Variants in LHFPL3 observed in about 807,000 individuals in gnomAD.
LHFPL3 encodes the protein LHFPL tetraspan subfamily member 3 protein.
LHFPL3 carries 5 observed loss-of-function variants against 19.3 expected under a neutral mutation model. That is an observed-to-expected ratio of 0.26 (90% CI 0.14 to 0.54). The LOEUF is 0.54. Among genes scored for constraint, LHFPL3 ranks in the 20% least tolerant of loss-of-function variants. LHFPL3 has a pLI of 0.94. For missense variants in LHFPL3, 249 were observed against 307.4 expected (o/e 0.81, Z 1.42); for synonymous variants, 133 against 126.2 (o/e 1.05, Z -0.36).
chr7:104,881,725 G>T (rs1158072042), intron 2 of LHFPL3, among the ~76,000 whole-genome samples: 7 of 152,194 alleles, frequency 4.6e-5, no homozygotes, highest in Non-Finnish European at 1.0e-4. Context: ...CATTTTGAAA[G>T]AAGTCATATT....
intron 2 of LHFPL3, among the ~76,000 whole-genome samples, chr7:104,821,083 G>C (rs970890140): frequency 6.6e-6 from 1 of 152,032 alleles, no homozygotes; most frequent in Non-Finnish European, 1.5e-5. Flanking sequence ...AAAGCATCAC[G>C]GCAATTAGAT....
intron 1 of LHFPL3, among the ~76,000 whole-genome samples, chr7:104,439,531 A>G (rs191986115): frequency 3.3e-5 from 5 of 152,256 alleles, no homozygotes; most frequent in African/African-American, 9.6e-5. Context: ...ATATAAATGG[A>G]CTAAAATACC....
At chr7:104,761,150 T>C (rs930810630) in intron 2 of LHFPL3, among the ~76,000 whole-genome samples, 1 of 152,110 alleles carries the variant, frequency 6.6e-6, no homozygotes, top group African/African-American at 2.4e-5. Context: ...CATGGCCATA[T>C]AATGACAAGA....
chr7:104,591,815 T>C (rs894668499), intron 1 of LHFPL3, among the ~76,000 whole-genome samples: 9 of 152,334 alleles, frequency 5.9e-5, no homozygotes, highest in African/African-American at 2.2e-4. Context: ...TGCTCATTTC[T>C]TTTTACTCTT....
At position 104,867,982 on chromosome 7, in the gene LHFPL3, T is replaced by C. The variant is rs557002513; in HGVS notation, c.683-38205T>C. Among the ~76,000 whole-genome samples, 514 of 152,236 alleles carry C rather than the reference T, an allele frequency of 3.4e-3. 3 individuals are homozygous for C. Among genetic ancestry groups the C allele is most frequent in the African/African-American group, 0.012 (495 of 41,526 alleles). On this transcript the variant is annotated intron_variant, in intron 2 of 2. Transcript: ENST00000424859. ...AACAGAACCAACGACAAAAACCATA[T>C]GATTATCTCAATAGATGCAGAAAAG...
chr7:104,398,007 A>G (rs1220793210), intron 1 of LHFPL3, among the ~76,000 whole-genome samples: 2 of 151,986 alleles, frequency 1.3e-5, no homozygotes, highest in Admixed American at 6.6e-5. Flanking sequence ...TTTTAGGATG[A>G]TAATCCAACT....
At chr7:104,459,617 A>G (rs1261608485) in intron 1 of LHFPL3, among the ~76,000 whole-genome samples, 2 of 152,192 alleles carry the variant, frequency 1.3e-5, no homozygotes, top group Admixed American at 1.3e-4. Context: ...GCTGTGTAAC[A>G]CATCACTCAA....
intron 1 of LHFPL3, among the ~76,000 whole-genome samples, chr7:104,666,817 GC>G (rs1362558980): frequency 6.6e-6 from 1 of 151,818 alleles, no homozygotes; most frequent in Non-Finnish European, 1.5e-5. Flanking sequence ...CCACCACCGC[GC>G]CCAGCCTCAT....
chr7:104,667,266 G>GGGC (rs527709581), intron 1 of LHFPL3, among the ~76,000 whole-genome samples: 4,572 of 124,004 alleles, frequency 0.037, 256 homozygotes, highest in African/African-American at 0.12. Flanking sequence ...TGTTTTCTTG[G>GGGC]GGGGGGGAAT....
intron 1 of LHFPL3, among the ~76,000 whole-genome samples, chr7:104,371,352 T>C (rs1039605200): frequency 6.6e-6 from 1 of 152,206 alleles, no homozygotes; most frequent in Non-Finnish European, 1.5e-5. Context: ...GTGTTACCCA[T>C]GAAAAGTGTT....
intron 1 of LHFPL3, among the ~76,000 whole-genome samples, chr7:104,385,898 C>A (rs948784359): frequency 7.4e-6 from 1 of 135,826 alleles, no homozygotes; most frequent in Non-Finnish European, 1.6e-5. Context: ...GGAGAAAGGG[C>A]CTCCAATAAT....
intron 1 of LHFPL3, among the ~76,000 whole-genome samples, chr7:104,699,457 C>T (rs931183876): frequency 6.6e-6 from 1 of 152,120 alleles, no homozygotes; most frequent in East Asian, 1.9e-4. Flanking sequence ...GGACAAATAT[C>T]GTATGATTCC....
chr7:104,707,309 G>A (rs1340182161), intron 1 of LHFPL3, among the ~76,000 whole-genome samples: 1 of 152,194 alleles, frequency 6.6e-6, no homozygotes, highest in Non-Finnish European at 1.5e-5. Flanking sequence ...GTCAGTCTAG[G>A]ACTGTGTCAG....
chr7:104,679,201 G>A (rs924427815), intron 1 of LHFPL3, among the ~76,000 whole-genome samples: 2 of 152,200 alleles, frequency 1.3e-5, no homozygotes, highest in African/African-American at 2.4e-5. Context: ...TATGGCTGTC[G>A]GCAAGAAGCC....
rs186596544 is a variant in LHFPL3, at chr7:104,857,709, C to T, written c.683-48478C>T. On this transcript the variant is annotated intron_variant, in intron 2 of 2. Transcript: ENST00000424859. ...AGATTTGAAACTGAATCCTCTTTGT[C>T]GTGAAATCTGGAGAATTGTAATTTT... Among the ~76,000 whole-genome samples the T allele has an allele frequency of 4.9e-4, 74 of 152,282 alleles. 1 individual carries two copies. The East Asian group carries it at 0.013, about 27-fold the overall frequency.
chr7:104,474,797 G>T (rs983260863), intron 1 of LHFPL3, among the ~76,000 whole-genome samples: 2 of 152,040 alleles, frequency 1.3e-5, no homozygotes, highest in Admixed American at 6.6e-5. Context: ...GCAGAAGAAG[G>T]TGTTATGAAG....
At chr7:104,652,422 T>C (rs1395381850) in intron 1 of LHFPL3, among the ~76,000 whole-genome samples, 1 of 152,198 alleles carries the variant, frequency 6.6e-6, no homozygotes, top group African/African-American at 2.4e-5. Context: ...TTTATTGATA[T>C]ATAATAGTTG....
chr7:104,536,032 T>C (rs1237399625), intron 1 of LHFPL3, among the ~76,000 whole-genome samples: 4 of 152,162 alleles, frequency 2.6e-5, no homozygotes, highest in Non-Finnish European at 5.9e-5. Flanking sequence ...GAAGCCGCAT[T>C]TTCTCCCTGT....
At chr7:104,654,505 A>T (rs766131056) in intron 1 of LHFPL3, among the ~76,000 whole-genome samples, 1 of 152,160 alleles carries the variant, frequency 6.6e-6, no homozygotes, top group African/African-American at 2.4e-5. Context: ...TAGCTGCATG[A>T]CCTTGGGCAA....
Sources: allele counts gnomAD v4.1 joint callset (sites outside exome capture counted in the v4.1 genomes callset), GRCh38; gene constraint gnomAD v4.1.1; transcripts MANE v1.5; gene names NCBI Gene and HGNC (gene_info 2026-07-23, HGNC 2026-07-21).